The following NOS1 variants were observed in gnomAD, a reference collection of about 807,000 sequenced individuals.
The protein encoded by NOS1 is NOS type I.
Under a neutral mutation model 164.5 loss-of-function variants are expected in NOS1, and 51 were observed. The observed-to-expected ratio is 0.31, with a 90% CI of 0.25 to 0.39. The LOEUF is 0.39. Among genes scored for constraint, NOS1 ranks in the 10% least tolerant of loss-of-function variants. The pLI, the probability that NOS1 is intolerant of heterozygous loss-of-function variation, is 1.00. For missense variants in NOS1, 1,362 were observed against 1,885.6 expected, an observed-to-expected ratio of 0.72 and a Z score of 5.14; for synonymous variants, 719 against 745.8, an observed-to-expected ratio of 0.96 and a Z score of 0.59.
rs60470377 is a variant in NOS1 at position 117,214,833 on chromosome 12, TCA to T, written c.*474_*475del. The T allele has an allele frequency of 0.14, 92,062 of 678,368 alleles. 6 individuals are homozygous for T. The highest frequency in any genetic ancestry group is 0.16 in the Non-Finnish European group (85,553 of 550,598). The allele number at this position is 678,368 out of a possible 1,614,324, so 42.0% of individuals were successfully genotyped here. A position where few individuals can be genotyped will look rare whatever the true frequency, so the allele number is the denominator to read the frequency against. On this transcript the variant is annotated 3_prime_UTR_variant, in exon 29 of 29. Coordinates refer to ENST00000317775, the MANE Select transcript of NOS1 (RefSeq NM_000620.5). ...AGAGGACGGACAGAGACCTGGCCCA[TCA>T]CACACACACACACACACACACACAC...
In NOS1 at chr12:117,332,586, C is replaced by T. The variant is rs186325898; in HGVS notation, c.-420-1097G>A. Among the ~76,000 whole-genome samples the T allele has an allele frequency of 1.5e-4, 23 of 151,968 alleles. 1 individual carries two copies. In the East Asian group the frequency reaches 2.3e-3, roughly 15 times the overall value. On this transcript the variant is annotated intron_variant, in intron 1 of 28. Transcript: ENST00000317775. ...TATTTATTTAAAAAAAAAATCAGGCCGGTCACAGTGCCTCACACCTATAAT... is the reference window on the plus strand; with the variant it reads ...TATTTATTTAAAAAAAAAATCAGGCTGGTCACAGTGCCTCACACCTATAAT...
intron 20 of NOS1, among the ~76,000 whole-genome samples, chr12:117,237,184 G>GTC (rs910484552): frequency 1.3e-5 from 2 of 151,984 alleles, no homozygotes; most frequent in African/African-American, 4.8e-5. Context: ...TTGAGATGGA[G>GTC]TCTCTCTCTG....
At chr12:117,265,985 G>A (rs1872373882) in intron 11 of NOS1, among the ~76,000 whole-genome samples, 2 of 150,298 alleles carry the variant, frequency 1.3e-5, no homozygotes, top group African/African-American at 2.4e-5. Context: ...TTTTTTAGTA[G>A]AGACGGGGTT....
chr12:117,330,196 G>GTC lies in NOS1; in HGVS notation c.725+148_725+149insGA. 2.4e-6 allele frequency: 3 copies of GTC among 1,252,960 alleles called. No individual in the cohort carries two copies. Among genetic ancestry groups the GTC allele is most frequent in the South Asian group, 4.0e-5 (2 of 49,490 alleles). 77.6% of individuals were successfully genotyped at this position (1,252,960 alleles called of 1,614,324 possible). ...TGTAATTTTAAGTGAAGATCAAGGG[G>GTC]GCCGTCAAGTGGTTATGCAAAAACA... On this transcript the variant is annotated intron_variant, in intron 2 of 28. Coordinates refer to ENST00000317775, the MANE Select transcript of NOS1 (RefSeq NM_000620.5). The surrounding 1 kb of genome is among the most constrained non-coding windows in gnomAD (Gnocchi z 4.6).
intron 9 of NOS1, among the ~76,000 whole-genome samples, chr12:117,276,761 A>G (rs1168670370): frequency 1.3e-5 from 2 of 152,072 alleles, no homozygotes; most frequent in Non-Finnish European, 2.9e-5. Flanking sequence ...GCCTTATTTC[A>G]CTTAACATAA....
chr12:117,210,139 ATTTTTTTTT>A lies in NOS1; in HGVS notation c.*5161_*5169del. On this transcript the variant is annotated 3_prime_UTR_variant, in exon 29 of 29. Transcript: ENST00000317775. ...AGGAGCATGCCATCATGCCCAGCTA[ATTTTTTTTT>A]TTTTTTTTTTTTAGTAGAGACGAGA... 10 of 290,154 alleles carry A rather than the reference ATTTTTTTTT, an allele frequency of 3.4e-5. No individual in the cohort carries two copies. The highest frequency in any genetic ancestry group is 1.4e-4 in the South Asian group (1 of 7,346). 18.0% of individuals were successfully genotyped at this position (290,154 alleles called of 1,614,324 possible). A position where few individuals can be genotyped will look rare whatever the true frequency, so the allele number is the denominator to read the frequency against.
chr12:117,280,721 G>A lies in NOS1; in HGVS notation c.1524+4C>T, dbSNP rs748232368. The A allele has an allele frequency of 5.6e-6, 9 of 1,612,280 alleles. No homozygotes were observed. The highest frequency in any genetic ancestry group is 2.2e-5 in the South Asian group (2 of 90,962). ...GGCAGGGTAGGGGGCGGAAACGCTC[G>A]CACCTCTGTGAACTGCACATTGGCT... On this transcript the variant is annotated splice_donor_region_variant and intron_variant, in intron 8 of 28. Transcript: ENST00000317775.
chr12:117,321,358 G>A (rs1593020520), intron 2 of NOS1, among the ~76,000 whole-genome samples: 1 of 152,174 alleles, frequency 6.6e-6, no homozygotes, highest in African/African-American at 2.4e-5. Context: ...AAGGGCAGAG[G>A]TTCACCATGG....
intron 2 of NOS1, among the ~76,000 whole-genome samples, chr12:117,318,523 G>C (rs1039458375): frequency 6.6e-6 from 1 of 152,164 alleles, no homozygotes; most frequent in Non-Finnish European, 1.5e-5. Flanking sequence ...CAAGCCAAAA[G>C]TTGCTCTTGC....
intron 11 of NOS1, among the ~76,000 whole-genome samples, chr12:117,267,678 A>T (rs1872522912): frequency 6.6e-6 from 1 of 151,990 alleles, no homozygotes; most frequent in Non-Finnish European, 1.5e-5. Flanking sequence ...GCATTTATTT[A>T]GGAGCCTATA....
rs1028155096 is a variant in NOS1, at chr12:117,269,120, T to C, written c.1840-976A>G. On this transcript the variant is annotated intron_variant, in intron 10 of 28. Coordinates refer to ENST00000317775, the MANE Select transcript of NOS1 (RefSeq NM_000620.5). ...AATAAGGAAATGGGATGAAGAGGGA[T>C]ATGGGGGCTGGGCTAATTCAGCTAG... Among the ~76,000 whole-genome samples, 3 of 151,856 alleles carry C rather than the reference T, an allele frequency of 2.0e-5. No homozygotes were observed. The East Asian group carries it at 5.8e-4, about 29-fold the overall frequency.
chr12:117,345,075 A>G (rs562191727), intron 1 of NOS1, among the ~76,000 whole-genome samples: 1 of 136,462 alleles, frequency 7.3e-6, no homozygotes, highest in South Asian at 2.3e-4. Flanking sequence ...TCTGTTGCCC[A>G]GGCTGGAGTG....
chr12:117,235,571 T>C (rs1435794871), intron 20 of NOS1, among the ~76,000 whole-genome samples: 1 of 152,144 alleles, frequency 6.6e-6, no homozygotes, highest in East Asian at 1.9e-4. Context: ...TATGCATAAA[T>C]TCATCAATAT....
rs935403502 is a variant in NOS1, at chr12:117,234,988, G to A, written c.3042-230C>T. ...GGCTGGAGTGCAGTGGTGCGATCACGGCTCACTGCAGCCTCTATCTCCCAA... is the reference window on the plus strand; with the variant it reads ...GGCTGGAGTGCAGTGGTGCGATCACAGCTCACTGCAGCCTCTATCTCCCAA... On this transcript the variant is annotated intron_variant, in intron 20 of 28. Transcript: ENST00000317775. This position sits in a 1 kb window ranked among gnomAD's most constrained non-coding sequence, Gnocchi z 4.3. Among the ~76,000 whole-genome samples, 5 of 151,758 alleles carry A rather than the reference G, an allele frequency of 3.3e-5. No individual in the cohort carries two copies. The highest frequency in any genetic ancestry group is 6.6e-5 in the Admixed American group (1 of 15,226).
intron 14 of NOS1, among the ~76,000 whole-genome samples, chr12:117,259,757 G>T (rs1871737129): frequency 6.6e-6 from 1 of 152,084 alleles, no homozygotes. Flanking sequence ...TTCTATCCTC[G>T]CCTCTTTTGG....
In NOS1 at chr12:117,272,387, C is replaced by G. The variant is rs1469038962; in HGVS notation, c.1837G>C (p.Glu613Gln). The G allele has an allele frequency of 6.2e-7, 1 of 1,614,118 alleles. No homozygotes were observed. The highest frequency in any genetic ancestry group is 1.7e-5 in the Admixed American group (1 of 60,018). ...YCDNSRYNIL[E>Q]EVAKKMNLDM... ...TGGTGACCAGAGAGGGCCCTTACCT[C>G]CAGGATATTGTAGCGGGAGTTGTCA... The change falls in exon 10 of 29, where the codon GAG becomes CAG. Residue 613 changes from glutamate to glutamine, a missense_variant and splice_region_variant. Physicochemically the swap from Glu to Gln is conservative, Grantham distance 29. This residue lies in a region of NOS1 where 134 missense variants were observed against 267.3 expected (regional missense o/e 0.50). Transcript: ENST00000317775. The surrounding 1 kb of genome is among the most constrained non-coding windows in gnomAD (Gnocchi z 4.3).
chr12:117,327,028 G>A (rs913478954), intron 2 of NOS1, among the ~76,000 whole-genome samples: 2 of 152,184 alleles, frequency 1.3e-5, no homozygotes, highest in African/African-American at 4.8e-5. Context: ...CAGAGATTCA[G>A]ACTCCTGGAG....
At position 117,220,284 on chromosome 12, in the gene NOS1, G is replaced by C; in HGVS notation, c.3976-15C>G. 1 of 1,594,754 alleles carries C rather than the reference G, an allele frequency of 6.3e-7. No homozygotes were observed. Among genetic ancestry groups the C allele is most frequent in the South Asian group, 1.1e-5 (1 of 88,622 alleles). On this transcript the variant is annotated splice_polypyrimidine_tract_variant and intron_variant, in intron 26 of 28. Transcript: ENST00000317775. ...TGCACGTACTTCTGCAAGGAGCAGA[G>C]AGCAGTGAGAAGGGGCTGGGCTGTG...
intron 1 of NOS1, among the ~76,000 whole-genome samples, chr12:117,332,687 A>G (rs182095468): frequency 4.6e-5 from 7 of 152,294 alleles, no homozygotes; most frequent in Admixed American, 4.6e-4. Context: ...CAACATGGTG[A>G]AACTTCGTCT....
Sources: allele counts gnomAD v4.1 joint callset (sites outside exome capture counted in the v4.1 genomes callset), GRCh38; gene constraint gnomAD v4.1.1; regional missense constraint gnomAD v4.1.1; non-coding constraint Gnocchi (gnomAD v3.1); transcripts MANE v1.5; gene names NCBI Gene and HGNC (gene_info 2026-07-23, HGNC 2026-07-21).